Variants in SLC18B1 observed in about 807,000 individuals in gnomAD.
SLC18B1 encodes the protein solute carrier family 18 member B1.
A neutral mutation model predicts 53.9 loss-of-function variants in SLC18B1; 62 were observed. The observed-to-expected ratio is 1.15, with a 90% CI of 0.94 to 1.42. The LOEUF (loss-of-function observed/expected upper bound fraction) is 1.42. Among genes scored for constraint, SLC18B1 ranks in the 40% most tolerant of loss-of-function variants. The pLI, the probability that SLC18B1 is intolerant of heterozygous loss-of-function variation, is 0.00. For synonymous variants in SLC18B1, 217 were observed against 200.9 expected, an observed-to-expected ratio of 1.08 and a Z score of -0.68; for missense variants, 598 against 547.3, an observed-to-expected ratio of 1.09 and a Z score of -0.93.
intron 2 of SLC18B1, among the ~76,000 whole-genome samples, chr6:132,790,884 T>C (rs1340904559): frequency 1.3e-5 from 2 of 152,278 alleles, no homozygotes; most frequent in Non-Finnish European, 2.9e-5. Flanking sequence ...GCCAAGGTAG[T>C]TTATCATCCA....
chr6:132,780,565 GTTTTT>G (rs10537572), intron 6 of SLC18B1, among the ~76,000 whole-genome samples: 3 of 75,902 alleles, frequency 4.0e-5, no homozygotes, highest in Admixed American at 1.8e-4. Flanking sequence ...CGTGGTGTTA[GTTTTT>G]TTTTTTTTTT....
At chr6:132,775,269 G>A (rs1444075766) in intron 8 of SLC18B1, among the ~76,000 whole-genome samples, 2 of 152,104 alleles carry the variant, frequency 1.3e-5, no homozygotes, top group Non-Finnish European at 2.9e-5. Flanking sequence ...TGGACATGTC[G>A]GTCTCCACAA....
rs555319727 is a variant in SLC18B1 at position 132,797,287 on chromosome 6, A to G, written c.44-166T>C. ...ATCAAATGGAACACAATCCTTGTAC[A>G]TTACTGCCGTTTTGAAAACGTACTG... On this transcript the variant is annotated intron_variant, in intron 1 of 13. Transcript: ENST00000275227. 2.0e-4 allele frequency among the ~76,000 whole-genome samples: 31 copies of G among 152,352 alleles called. No homozygotes were observed. The South Asian group carries it at 4.6e-3, about 22-fold the overall frequency.
intron 6 of SLC18B1, 37 bp downstream of exon 6, chr6:132,783,896 T>G (rs1465344998): frequency 7.0e-7 from 1 of 1,438,522 alleles, no homozygotes; most frequent in Admixed American, 2.5e-5. Context: ...AAAAATATAT[T>G]TAAGGTTCTT....
intron 2 of SLC18B1, among the ~76,000 whole-genome samples, chr6:132,796,139 G>A (rs992419380): frequency 1.4e-4 from 22 of 151,904 alleles, no homozygotes; most frequent in Admixed American, 9.2e-4. Flanking sequence ...ATGAGGTCAG[G>A]AGATGGAGAC....
intron 12 of SLC18B1, 32 bp from the exon 13 acceptor site, chr6:132,770,971 A>G: frequency 6.2e-7 from 1 of 1,611,818 alleles, no homozygotes; most frequent in Non-Finnish European, 8.5e-7. Flanking sequence ...TGATTAATGT[A>G]AATTTTCCAA....
intron 10 of SLC18B1, 113 bp from the exon 11 acceptor site, chr6:132,772,319 C>T (rs1012217462): frequency 6.9e-6 from 4 of 580,376 alleles, no homozygotes; most frequent in Admixed American, 6.6e-5. Flanking sequence ...AAAAAACCAA[C>T]AGCAAGAATA....
At chr6:132,788,858 C>T (rs1399144720) in intron 4 of SLC18B1, among the ~76,000 whole-genome samples, 2 of 140,814 alleles carry the variant, frequency 1.4e-5, no homozygotes, top group Non-Finnish European at 3.0e-5. Flanking sequence ...TGTAGAATCA[C>T]TCTGACAAGA....
Position 132,787,440 on chromosome 6 carries a change from C to T in SLC18B1, c.495G>A (p.Thr165=), listed in dbSNP as rs749833561. ...LAKAFPNNVA[T]VLGSLETFSG... is the part of the protein sequence containing the mutation. Reference sequence around the variant, plus strand: ...ATACTTCTAAAATACATACCAATACCGTAGCCACGTTATTTGGAAAAGCCT... The same window carrying T: ...ATACTTCTAAAATACATACCAATACTGTAGCCACGTTATTTGGAAAAGCCT... Residue 165 remains threonine, a synonymous_variant, in exon 5 of 14, where the codon ACG becomes ACA. Coordinates refer to ENST00000275227, the MANE Select transcript of SLC18B1 (RefSeq NM_052831.3). 58 of 1,593,350 alleles carry T rather than the reference C, an allele frequency of 3.6e-5. 1 individual carries two copies. The East Asian group carries it at 6.5e-4, about 18-fold the overall frequency.
chr6:132,779,516 C>A, intron 6 of SLC18B1, 112 bp from the exon 7 acceptor site: 1 of 1,221,006 alleles, frequency 8.2e-7, no homozygotes, highest in East Asian at 2.5e-5. Context: ...CAAAATGACT[C>A]AATCTCTGAG....
chr6:132,779,237 T>C (rs374008774), intron 7 of SLC18B1, 31 bp downstream of exon 7: 3 of 1,611,408 alleles, frequency 1.9e-6, no homozygotes, highest in Middle Eastern at 1.7e-4. Flanking sequence ...CCTGCTACAA[T>C]GCAGCACTCT....
rs1212158062 is a variant in SLC18B1 at position 132,784,377 on chromosome 6, TA to T, written c.502-289del. Among the ~76,000 whole-genome samples, 3 of 151,520 alleles carry T rather than the reference TA, an allele frequency of 2.0e-5. No homozygotes were observed. In the East Asian group the frequency reaches 5.8e-4, roughly 29 times the overall value. The stretch of plus-strand genomic sequence containing the variant: ...TACATGAAAATACGAAAACTATGCA[TA>T]AAAAAATCAAAAGATAAATGAAGAA... On this transcript the variant is annotated intron_variant, in intron 5 of 13. Coordinates refer to ENST00000275227, the MANE Select transcript of SLC18B1 (RefSeq NM_052831.3).
intron 8 of SLC18B1, among the ~76,000 whole-genome samples, chr6:132,775,088 GA>G (rs1337938792): frequency 2.0e-5 from 3 of 152,192 alleles, no homozygotes; most frequent in Admixed American, 6.5e-5. Flanking sequence ...TTTGGGAGGT[GA>G]TTAGTTAATG....
intron 2 of SLC18B1, among the ~76,000 whole-genome samples, chr6:132,791,076 ATCCTTAAATCAG>A (rs767805227): frequency 3.3e-5 from 5 of 152,242 alleles, no homozygotes; most frequent in Non-Finnish European, 5.9e-5. Context: ...ACTATTGCAA[ATCCTTAAATCAG>A]GTTCTAGCTA....
chr6:132,797,756 A>G (rs1003638349), intron 1 of SLC18B1, among the ~76,000 whole-genome samples: 2 of 152,198 alleles, frequency 1.3e-5, no homozygotes, highest in Admixed American at 6.5e-5. Context: ...TTCTGGATAG[A>G]CAAGTCCCAC....
chr6:132,794,125 A>G (rs1781613799), intron 2 of SLC18B1, among the ~76,000 whole-genome samples: 1 of 132,362 alleles, frequency 7.6e-6, no homozygotes, highest in South Asian at 2.3e-4. Context: ...TTTTTTTGAG[A>G]TGGAGTCTCA....
In SLC18B1 at chr6:132,774,240, G is replaced by A. The variant is rs1335503531; in HGVS notation, c.971C>T (p.Pro324Leu). 1 of 1,604,890 alleles carries A rather than the reference G, an allele frequency of 6.2e-7. No individual in the cohort carries two copies. Among genetic ancestry groups the A allele is most frequent in the East Asian group, 2.2e-5 (1 of 44,744 alleles). Residue 324 changes from proline to leucine, a missense_variant, in exon 9 of 14, where the codon CCA becomes CTA. Pro to Leu is a moderately conservative substitution (Grantham distance 98). Transcript: ENST00000275227. ...AGCYMLLGPV[P>L]ILHIKSQLWL... ...AAATTACCTTTTAATATGCAAGATT[G>A]GGACAGGCCCTAAGAGCATGTAGCA...
intron 7 of SLC18B1, among the ~76,000 whole-genome samples, chr6:132,777,455 T>G (rs1781127048): frequency 6.6e-6 from 1 of 152,238 alleles, no homozygotes; most frequent in Non-Finnish European, 1.5e-5. Flanking sequence ...GGCTCACGCC[T>G]GTAATCCCAG....
At position 132,797,050 on chromosome 6, in the gene SLC18B1, A is replaced by AT; in HGVS notation, c.114dup (p.Ser39IlefsTer25). The stretch of plus-strand genomic sequence containing the variant: ...GAACCTAAGTTCACCGAAGCTGCCG[A>AT]TATCAGTACAAAAACCTGTTCTCTC... On this transcript the variant is annotated frameshift_variant, in exon 2 of 14. Transcript: ENST00000275227. LOFTEE classifies it high-confidence loss of function. The AT allele has an allele frequency of 6.2e-7, 1 of 1,614,186 alleles. No homozygotes were observed. Among genetic ancestry groups the AT allele is most frequent in the Middle Eastern group, 1.6e-4 (1 of 6,062 alleles).
Sources: allele counts gnomAD v4.1 joint callset (sites outside exome capture counted in the v4.1 genomes callset), GRCh38; gene constraint gnomAD v4.1.1; transcripts MANE v1.5; gene names NCBI Gene and HGNC (gene_info 2026-07-23, HGNC 2026-07-21).